Variants in MDFIC2 observed in about 807,000 individuals in gnomAD.
MDFIC2 encodes MyoD family inhibitor domain containing 2, also known as myoD family inhibitor domain-containing protein 2.
rs375907786 is a variant in MDFIC2, at chr3:70,298,137, A to G, written c.88+13749T>C. Among the ~76,000 whole-genome samples the G allele has an allele frequency of 9.1e-4, 138 of 152,218 alleles. 5 individuals are homozygous for G. The South Asian group carries it at 0.028, about 31-fold the overall frequency. On this transcript the variant is annotated intron_variant, in intron 2 of 3. Transcript: ENST00000567252. The stretch of plus-strand genomic sequence containing the variant: ...GGTTTGACCAGATAAGGATATTTGA[A>G]AATTAAAGTTAGATTTGGCATCTAA...
At chr3:70,236,638 C>T (rs944626534) in intron 2 of MDFIC2, among the ~76,000 whole-genome samples, 5 of 152,158 alleles carry the variant, frequency 3.3e-5, no homozygotes, top group Non-Finnish European at 5.9e-5. Context: ...CTCTGTCACC[C>T]AGGCTGGAGT....
At chr3:70,297,143 T>C (rs1702297296) in intron 2 of MDFIC2, among the ~76,000 whole-genome samples, 1 of 152,158 alleles carries the variant, frequency 6.6e-6, no homozygotes, top group Non-Finnish European at 1.5e-5. Context: ...TAAAAAAATA[T>C]TTTTATGCAC....
intron 2 of MDFIC2, among the ~76,000 whole-genome samples, chr3:70,263,288 A>T (rs970449566): frequency 1.4e-4 from 21 of 145,410 alleles, no homozygotes; most frequent in African/African-American, 5.0e-4. Context: ...GCTGGTTTTT[A>T]AAAAAATATT....
chr3:70,273,076 A>C (rs530455828), intron 2 of MDFIC2, among the ~76,000 whole-genome samples: 1 of 152,318 alleles, frequency 6.6e-6, no homozygotes, highest in South Asian at 2.1e-4. Context: ...AAGTTCAGCC[A>C]GTGACCCAAG....
intron 2 of MDFIC2, among the ~76,000 whole-genome samples, chr3:70,257,466 A>G (rs559370808): frequency 6.6e-6 from 1 of 152,178 alleles, no homozygotes; most frequent in East Asian, 1.9e-4. Flanking sequence ...GAGCTGTAAG[A>G]TGGACAAAGA....
At chr3:70,234,266 C>T (rs1367617965) in intron 2 of MDFIC2, among the ~76,000 whole-genome samples, 1 of 152,092 alleles carries the variant, frequency 6.6e-6, no homozygotes, top group Admixed American at 6.6e-5. Flanking sequence ...ATTTTTTAAG[C>T]TATTTAGTCA....
chr3:70,287,730 T>G (rs1464518120), intron 2 of MDFIC2, among the ~76,000 whole-genome samples: 10 of 151,518 alleles, frequency 6.6e-5, no homozygotes, highest in African/African-American at 2.2e-4. Context: ...TTGCCACAAT[T>G]TCAGATCCTG....
chr3:70,264,719 T>C (rs775893151), intron 2 of MDFIC2, among the ~76,000 whole-genome samples: 3 of 152,198 alleles, frequency 2.0e-5, no homozygotes, highest in African/African-American at 7.2e-5. Context: ...AATAACAGAA[T>C]TCTTGGACAA....
chr3:70,213,522 A>G (rs776615417), intron 2 of MDFIC2, among the ~76,000 whole-genome samples: 2 of 152,142 alleles, frequency 1.3e-5, no homozygotes. Context: ...TACTGTAGTT[A>G]TCCGTGGCTG....
At position 70,294,841 on chromosome 3, in the gene MDFIC2, C is replaced by T. The variant is rs149932069; in HGVS notation, c.88+17045G>A. ...ATGGTTTCCCAAGTTTCAAGCATCACGTAGCAATTTGATGGTATCCAAAAT... is the reference window on the plus strand; with the variant it reads ...ATGGTTTCCCAAGTTTCAAGCATCATGTAGCAATTTGATGGTATCCAAAAT... On this transcript the variant is annotated intron_variant, in intron 2 of 3. Transcript: ENST00000567252. Among the ~76,000 whole-genome samples the T allele has an allele frequency of 3.9e-5, 6 of 152,112 alleles. No individual in the cohort carries two copies. In the South Asian group the frequency reaches 6.2e-4, roughly 16 times the overall value.
At chr3:70,304,569 TTG>T (rs1250016954) in intron 2 of MDFIC2, among the ~76,000 whole-genome samples, 1 of 152,110 alleles carries the variant, frequency 6.6e-6, no homozygotes, top group African/African-American at 2.4e-5. Flanking sequence ...ATTCCTTTCT[TTG>T]TATCACCCCA....
intron 2 of MDFIC2, among the ~76,000 whole-genome samples, chr3:70,289,085 T>A (rs948735979): frequency 5.3e-5 from 8 of 152,218 alleles, no homozygotes; most frequent in East Asian, 1.9e-4. Context: ...GTTATGTGTG[T>A]ATTTGATCCT....
chr3:70,224,832 C>G (rs7650154), intron 2 of MDFIC2, among the ~76,000 whole-genome samples: 2 of 151,920 alleles, frequency 1.3e-5, no homozygotes, highest in East Asian at 1.9e-4. Context: ...TTTCCCCCCC[C>G]ACACCTCACC....
intron 2 of MDFIC2, among the ~76,000 whole-genome samples, chr3:70,310,078 G>C (rs1702441181): frequency 6.6e-6 from 1 of 152,050 alleles, no homozygotes; most frequent in African/African-American, 2.4e-5. Flanking sequence ...AGATTCATAA[G>C]AAAAACACAG....
chr3:70,198,826 G>A lies in MDFIC2; in HGVS notation c.311-1641C>T, dbSNP rs374232255. On this transcript the variant is annotated intron_variant, in intron 3 of 3. Transcript: ENST00000567252. ...TCTTCACTTAGAGCCAGCTTTTAGC[G>A]TGTGACCAACTCTCCCATATCTCAT... Among the ~76,000 whole-genome samples, 62 of 152,240 alleles carry A rather than the reference G, an allele frequency of 4.1e-4. No individual in the cohort carries two copies. In the South Asian group the frequency reaches 9.3e-3, roughly 23 times the overall value.
chr3:70,201,306 T>G (rs1701235696), intron 3 of MDFIC2, among the ~76,000 whole-genome samples: 1 of 152,174 alleles, frequency 6.6e-6, no homozygotes, highest in Non-Finnish European at 1.5e-5. Context: ...TGTTTGGTTT[T>G]CTGTTTCTGT....
intron 2 of MDFIC2, among the ~76,000 whole-genome samples, chr3:70,223,786 G>A (rs1281844544): frequency 1.3e-5 from 2 of 152,126 alleles, no homozygotes; most frequent in Non-Finnish European, 2.9e-5. Flanking sequence ...ATGAACGTTA[G>A]CTGCTTTGGA....
At chr3:70,217,707 C>T (rs1010361608) in intron 2 of MDFIC2, among the ~76,000 whole-genome samples, 3 of 152,006 alleles carry the variant, frequency 2.0e-5, no homozygotes, top group Admixed American at 6.6e-5. Context: ...TGCATGATAT[C>T]GAATTGGGCA....
At chr3:70,304,873 C>A (rs1044287270) in intron 2 of MDFIC2, among the ~76,000 whole-genome samples, 4 of 151,982 alleles carry the variant, frequency 2.6e-5, no homozygotes, top group Admixed American at 6.6e-5. Context: ...ATTTAAGCAC[C>A]TTCTTTTCCT....
Sources: allele counts gnomAD v4.1 joint callset (sites outside exome capture counted in the v4.1 genomes callset), GRCh38; gene constraint gnomAD v4.1.1; transcripts MANE v1.5; gene names NCBI Gene and HGNC (gene_info 2026-07-23, HGNC 2026-07-21).